HYLS1: variants seen among roughly 807,000 people sequenced by gnomAD.
HYLS1 encodes centriolar and ciliogenesis-associated protein HYLS1.
Under a neutral mutation model 29.4 loss-of-function variants are expected in HYLS1, and 25 were observed. The observed-to-expected ratio is 0.85, with a 90% confidence interval of 0.62 to 1.19. HYLS1 has a LOEUF of 1.19. Among genes scored for constraint, HYLS1 ranks in the 50% most tolerant of loss-of-function variants. The pLI, the probability that HYLS1 is intolerant of heterozygous loss-of-function variation, is 0.00. For missense variants in HYLS1, 352 were observed against 365.1 expected (o/e 0.96, Z 0.29); for synonymous variants, 128 against 126.7 (o/e 1.01, Z -0.07).
At chr11:125,885,478 A>AAACG (rs1480758594), upstream of HYLS1, among the ~76,000 whole-genome samples, 3 of 152,112 alleles carry the variant, frequency 2.0e-5, no homozygotes, top group East Asian at 5.8e-4. Flanking sequence ...AAAGAAAAAG[A>AAACG]AACGAACTGG....
intron 2 of HYLS1, chr11:125,894,205 C>T (rs1944505138): frequency 6.2e-7 from 1 of 1,613,764 alleles, no homozygotes; most frequent in Admixed American, 1.7e-5. Flanking sequence ...TAATATTGAA[C>T]TCCTGAGCCT....
In HYLS1 at chr11:125,898,674, C is replaced by CA. The variant is rs1218833075; in HGVS notation, c.-25-659dup. On this transcript the variant is annotated intron_variant, in intron 2 of 2. Coordinates refer to ENST00000425380, the MANE Select transcript of HYLS1 (RefSeq NM_001134793.2). ...CCTAGGTGACAGCAAGACTCCATCT[C>CA]AAAAAAAAAAATTATTAAAGCATAG... Among the ~76,000 whole-genome samples, 558 of 143,290 alleles carry CA rather than the reference C, an allele frequency of 3.9e-3. 2 individuals are homozygous for CA. Among genetic ancestry groups the CA allele is most frequent in the African/African-American group, 0.011 (417 of 39,192 alleles). The allele number at this position is 143,290 out of a possible 152,430, so 94.0% of individuals were successfully genotyped here.
In HYLS1 at chr11:125,894,296, AAG is replaced by A. The variant is rs765051310; in HGVS notation, c.-26+2828_-26+2829del. 2 of 1,579,178 alleles carry A rather than the reference AAG, an allele frequency of 1.3e-6. No individual in the cohort carries two copies. Among genetic ancestry groups the A allele is most frequent in the Admixed American group, 1.8e-5 (1 of 55,836 alleles). Reference sequence around the variant, plus strand: ...AAATTCTACAGCCATACTAGAGAAAAAGAGAAAAGAAAGTTTGAGAATACATA... The same window carrying A: ...AAATTCTACAGCCATACTAGAGAAAAAGAAAAGAAAGTTTGAGAATACATA... On this transcript the variant is annotated intron_variant, in intron 2 of 2. Coordinates refer to ENST00000425380, the MANE Select transcript of HYLS1 (RefSeq NM_001134793.2).
Position 125,899,707 on chromosome 11 carries a change from G to T in HYLS1, c.339G>T (p.Ser113=). The T allele has an allele frequency of 1.2e-6, 2 of 1,614,146 alleles. No individual in the cohort carries two copies. Among genetic ancestry groups the T allele is most frequent in the South Asian group, 2.2e-5 (2 of 91,080 alleles). The change falls in exon 3 of 3, where the codon TCG becomes TCT. Residue 113 remains serine, a synonymous_variant. Coordinates refer to ENST00000425380, the MANE Select transcript of HYLS1 (RefSeq NM_001134793.2). The stretch of plus-strand genomic sequence containing the variant: ...GGGAAGTATTAGTAACAGATGAGTC[G>T]ATTATCAGTGAATCAGAATCTGGTA... ...PDGEVLVTDE[S]IISESESGTE...
At chr11:125,889,341 T>C (rs1230571823) in intron 1 of HYLS1, among the ~76,000 whole-genome samples, 1 of 152,200 alleles carries the variant, frequency 6.6e-6, no homozygotes, top group East Asian at 1.9e-4. Context: ...CTTGTATGTA[T>C]ACATGTTTGC....
chr11:125,898,405 G>A (rs1470800722), intron 2 of HYLS1, among the ~76,000 whole-genome samples: 1 of 152,190 alleles, frequency 6.6e-6, no homozygotes, highest in East Asian at 1.9e-4. Flanking sequence ...TACCAAGACA[G>A]CTGGGCGCGG....
At position 125,900,090 on chromosome 11, in the gene HYLS1, T is replaced by A. The variant is rs759786567; in HGVS notation, c.722T>A (p.Val241Asp). 1 of 1,614,144 alleles carries A rather than the reference T, an allele frequency of 6.2e-7. No homozygotes were observed. The highest frequency in any genetic ancestry group is 2.2e-5 in the East Asian group (1 of 44,880). ...EDHRKELRWG[V>D]REQMLCRAEP... ...CATAGAAAGGAATTACGCTGGGGTG[T>A]CCGAGAGCAGATGCTTTGTCGAGCA... The change falls in exon 3 of 3, where the codon GTC becomes GAC. Residue 241 changes from valine to aspartate, a missense_variant. By Grantham distance (152) the Val-to-Asp change is radical. Transcript: ENST00000425380.
upstream of HYLS1, among the ~76,000 whole-genome samples, chr11:125,884,699 C>T (rs1484529333): frequency 6.6e-6 from 1 of 152,210 alleles, no homozygotes; most frequent in East Asian, 1.9e-4. Context: ...ATTTAGATTT[C>T]AGATACTCAG....
At chr11:125,895,857 T>C in intron 2 of HYLS1, 2 of 1,590,164 alleles carry the variant, frequency 1.3e-6, no homozygotes, top group Non-Finnish European at 1.7e-6. Flanking sequence ...TGTGTATACC[T>C]AGAATATCCT....
At chr11:125,894,298 GAGAAA>G (rs1436168759) in intron 2 of HYLS1, 8 of 1,578,736 alleles carry the variant, frequency 5.1e-6, no homozygotes, top group Admixed American at 3.6e-5. Context: ...TAGAGAAAAA[GAGAAA>G]AGAAAGTTTG....
chr11:125,900,490 A>G lies in HYLS1; in HGVS notation c.*222A>G, dbSNP rs1591509033. The G allele has an allele frequency of 3.7e-6, 2 of 545,530 alleles. No homozygotes were observed. The highest frequency in any genetic ancestry group is 6.8e-5 in the East Asian group (2 of 29,270). 33.8% of individuals were successfully genotyped at this position (545,530 alleles called of 1,614,324 possible). A position where few individuals can be genotyped will look rare whatever the true frequency, so the allele number is the denominator to read the frequency against. On this transcript the variant is annotated 3_prime_UTR_variant, in exon 3 of 3. Transcript: ENST00000425380. ...TTGCAAGATAAATCATATCAGAGAAAGAACAACAGACCTGGTCTTTCTATT... is the reference window on the plus strand; with the variant it reads ...TTGCAAGATAAATCATATCAGAGAAGGAACAACAGACCTGGTCTTTCTATT...
rs1400942496 is a variant in HYLS1, at chr11:125,900,017, T to C, written c.649T>C (p.Phe217Leu). Residue 217 changes from phenylalanine (F) to leucine (L), a missense_variant, in exon 3 of 3, where the codon TTT (phenylalanine) becomes CTT (leucine). By Grantham distance (22) the Phe-to-Leu change is conservative. Transcript: ENST00000425380. ...CAAGACAGACCGGGTAGCCCGGTAT[T>C]TTGAGTACAAACGGGACTGGGACTC... is the stretch of plus-strand genomic sequence containing the variant. ...RGKTDRVARY[F>L]EYKRDWDSIR... 2.5e-6 allele frequency: 4 copies of C among 1,614,232 alleles called. No individual in the cohort carries two copies. The highest frequency in any genetic ancestry group is 3.4e-6 in the Non-Finnish European group (4 of 1,180,042).
At position 125,899,562 on chromosome 11, in the gene HYLS1, C is replaced by T. The variant is rs1213025178; in HGVS notation, c.194C>T (p.Pro65Leu). 3.7e-6 allele frequency: 6 copies of T among 1,614,164 alleles called. No homozygotes were observed. In the African/African-American group the frequency reaches 4.0e-5, roughly 11 times the overall value. The change falls in exon 3 of 3, where the codon CCT (proline) becomes CTT (leucine). Residue 65 changes from proline to leucine, a missense_variant. By Grantham distance (98) the Pro-to-Leu change is moderately conservative. Transcript: ENST00000425380. ...GCCCCAGGGAAGCGACCTGCTCTTC[C>T]TGTGCAACTACAGTACCCACATGTA... Reference protein sequence around the residue: ...SVAPGKRPALPVQLQYPHVES... With the variant: ...SVAPGKRPALLVQLQYPHVES...
At chr11:125,892,925 G>T (rs1168485678) in intron 2 of HYLS1, among the ~76,000 whole-genome samples, 1 of 152,150 alleles carries the variant, frequency 6.6e-6, no homozygotes. Context: ...CTCTCAAGCC[G>T]TATTAAAGAA....
rs544291860 is a variant in HYLS1 at position 125,898,744 on chromosome 11, G to A, written c.-25-600G>A. Among the ~76,000 whole-genome samples, 8 of 150,908 alleles carry A rather than the reference G, an allele frequency of 5.3e-5. No homozygotes were observed. In the South Asian group the frequency reaches 1.7e-3, roughly 31 times the overall value. Reference sequence around the variant, plus strand: ...ATATACACATTATATGTGTGTGAGAGAACACAACACTGCTTTTGTGATTTT... The same window carrying A: ...ATATACACATTATATGTGTGTGAGAAAACACAACACTGCTTTTGTGATTTT... On this transcript the variant is annotated intron_variant, in intron 2 of 2. Transcript: ENST00000425380.
chr11:125,885,375 T>C (rs11220263), upstream of HYLS1, among the ~76,000 whole-genome samples: 31,864 of 151,838 alleles, frequency 0.21, 3,510 homozygotes, highest in East Asian at 0.3. Context: ...CATTTGAACC[T>C]GGGAGGTGGA....
At chr11:125,894,240 T>G in intron 2 of HYLS1, 2 of 1,613,130 alleles carry the variant, frequency 1.2e-6, no homozygotes, top group Non-Finnish European at 1.7e-6. Context: ...CACTTGACAT[T>G]TTCAAACTTA....
chr11:125,895,508 A>C (rs367946467), intron 2 of HYLS1: 2 of 1,614,170 alleles, frequency 1.2e-6, no homozygotes, highest in Non-Finnish European at 1.7e-6. Flanking sequence ...TCCTGAAATC[A>C]TGGGTGCCAA....
At chr11:125,887,307 C>T (rs534230954), upstream of HYLS1, 12 of 152,268 alleles carry the variant, frequency 7.9e-5, no homozygotes, top group Non-Finnish European at 1.5e-4. Flanking sequence ...GTTAGGCGGC[C>T]TCTCCAAAAA....
Sources: gnomAD v4.1 joint callset for allele counts (sites outside exome capture counted in the v4.1 genomes callset) on GRCh38, gnomAD v4.1.1 for gene constraint, MANE v1.5 for transcripts, NCBI Gene and HGNC (gene_info 2026-07-23, HGNC 2026-07-21) for gene names.